ERMP1: variants seen among roughly 807,000 people sequenced by gnomAD.
ERMP1 encodes the protein endoplasmic reticulum metallopeptidase 1, also known as Felix-ina.
ERMP1 carries 86 observed loss-of-function variants against 92.0 expected under a neutral mutation model. The ratio of observed to expected loss-of-function variants is 0.93; its 90% CI spans 0.79 to 1.12. ERMP1 has a LOEUF of 1.12. ERMP1 is among the 50% of genes most tolerant of loss of function. ERMP1 has a pLI of 0.00. For missense variants in ERMP1, 1,342 were observed against 1,116.3 expected, an observed-to-expected ratio of 1.20 and a Z score of -2.88; for synonymous variants, 530 against 412.8, an observed-to-expected ratio of 1.28 and a Z score of -3.44.
Position 5,785,829 on chromosome 9 carries a change from A to C in ERMP1, c.*1315T>G, listed in dbSNP as rs1423839165. 6.6e-6 allele frequency: 1 copy of C among 152,192 alleles called. No individual in the cohort carries two copies. The highest frequency in any genetic ancestry group is 1.5e-5 in the Non-Finnish European group (1 of 68,034). 9.4% of individuals were successfully genotyped at this position (152,192 alleles called of 1,614,324 possible). On this transcript the variant is annotated 3_prime_UTR_variant, in exon 15 of 15. Coordinates refer to ENST00000339450, the MANE Select transcript of ERMP1 (RefSeq NM_024896.3). ...CAACTTTTTGTCCTTGTTAAAACTC[A>C]AAATTTGTCCAACGTTTCACATTTC...
At chr9:5,842,148 G>C (rs768247516) in intron 6 of ERMP1, among the ~76,000 whole-genome samples, 9 of 152,198 alleles carry the variant, frequency 5.9e-5, no homozygotes, top group Non-Finnish European at 1.2e-4. Context: ...GGGGACTGGA[G>C]CAGGTTGCAG....
chr9:5,834,967 GGATA>G (rs1563776618), upstream of ERMP1, among the ~76,000 whole-genome samples: 1 of 34,500 alleles, frequency 2.9e-5, no homozygotes, highest in African/African-American at 2.2e-4. Context: ...GATGATAGAT[GGATA>G]GATAGATGTG....
chr9:5,831,094 T>C lies in ERMP1; in HGVS notation c.339-66A>G, dbSNP rs992105605. The stretch of plus-strand genomic sequence containing the variant: ...ATTGACACTTAGCGTGGGTAACTTT[T>C]CCACTACACACCCCTTCCTCCCCAA... On this transcript the variant is annotated intron_variant, in intron 1 of 14. Transcript: ENST00000339450. 3.5e-5 allele frequency: 45 copies of C among 1,270,930 alleles called. No individual in the cohort carries two copies. In the African/African-American group the frequency reaches 5.5e-4, roughly 16 times the overall value. The allele number at this position is 1,270,930 out of a possible 1,614,324, so 78.7% of individuals were successfully genotyped here.
chr9:5,866,567 A>C (rs1830670075), intron 5 of ERMP1, among the ~76,000 whole-genome samples: 1 of 152,200 alleles, frequency 6.6e-6, no homozygotes, highest in African/African-American at 2.4e-5. Flanking sequence ...AACCACTCCA[A>C]AAGACTGATT....
At chr9:5,864,200 T>A (rs964217974) in intron 5 of ERMP1, among the ~76,000 whole-genome samples, 2 of 152,222 alleles carry the variant, frequency 1.3e-5, no homozygotes, top group Non-Finnish European at 1.5e-5. Flanking sequence ...TTGAACATTT[T>A]CCTCATAGAC....
chr9:5,850,260 T>A (rs560436950), intron 6 of ERMP1, among the ~76,000 whole-genome samples: 1 of 151,690 alleles, frequency 6.6e-6, no homozygotes, highest in South Asian at 2.1e-4. Flanking sequence ...CAAAAATTAG[T>A]TGGGCATGGT....
intron 6 of ERMP1, among the ~76,000 whole-genome samples, chr9:5,845,062 T>G (rs1018383462): frequency 6.6e-6 from 1 of 151,928 alleles, no homozygotes; most frequent in Non-Finnish European, 1.5e-5. Context: ...TATAGGGCCT[T>G]TGAAACTTAA....
chr9:5,786,513 C>T lies in ERMP1; in HGVS notation c.*631G>A, dbSNP rs557139669. On this transcript the variant is annotated 3_prime_UTR_variant, in exon 15 of 15. Transcript: ENST00000339450. ...GCACAGCAGTGCATCTGTGTGTCCA[C>T]TTGTCAGGACAGTGAGTCACCAGCT... is the stretch of plus-strand genomic sequence containing the variant. The T allele has an allele frequency of 1.1e-4, 17 of 152,606 alleles. No homozygotes were observed. Among genetic ancestry groups the T allele is most frequent in the Middle Eastern group, 3.4e-3 (1 of 296 alleles). 9.5% of individuals were successfully genotyped at this position (152,606 alleles called of 1,614,324 possible).
chr9:5,797,817 C>T lies in ERMP1; in HGVS notation c.2386G>A (p.Gly796Arg). 1.3e-6 allele frequency: 2 copies of T among 1,566,390 alleles called. No homozygotes were observed. The highest frequency in any genetic ancestry group is 1.7e-6 in the Non-Finnish European group (2 of 1,143,970). ...DSIKLTFEAT[G>R]PSHMSFYVRA... The stretch of plus-strand genomic sequence containing the variant: ...GAGAAAAAACTATTATATGACTTAC[C>T]TGTTGCTTCAAAAGTCAATTTTATA... Residue 796 changes from glycine (G) to arginine (R), a missense_variant and splice_region_variant, in exon 13 of 15, where the codon GGA (glycine) becomes AGA (arginine). Transcript: ENST00000339450.
At chr9:5,865,705 G>A (rs575615783) in intron 5 of ERMP1, among the ~76,000 whole-genome samples, 1 of 149,686 alleles carries the variant, frequency 6.7e-6, no homozygotes, top group African/African-American at 2.5e-5. Context: ...GGGCGTGGTG[G>A]TGCACGCCTG....
chr9:5,854,147 T>C (rs901877414), intron 6 of ERMP1, among the ~76,000 whole-genome samples: 1 of 151,988 alleles, frequency 6.6e-6, no homozygotes, highest in Non-Finnish European at 1.5e-5. Context: ...AAGAAGCTGC[T>C]GTGGGTGAAG....
intron 4 of ERMP1, among the ~76,000 whole-genome samples, chr9:5,818,304 G>A (rs556726308): frequency 2.0e-5 from 3 of 152,140 alleles, no homozygotes; most frequent in Non-Finnish European, 4.4e-5. Flanking sequence ...AGGTATGTCT[G>A]CATGCAAATG....
intron 4 of ERMP1, among the ~76,000 whole-genome samples, chr9:5,818,433 A>G (rs962946101): frequency 6.6e-6 from 1 of 152,224 alleles, no homozygotes; most frequent in African/African-American, 2.4e-5. Context: ...GAGAAAACCA[A>G]GACTGGACAT....
Position 5,832,793 on chromosome 9 carries a change from G to C in ERMP1, c.235C>G (p.Leu79Val), listed in dbSNP as rs1830009394. The part of the protein sequence containing the change: ...SEVRAALGLA[L>V]YLIALRTLVQ... ...AGCGTCCGCAGCGCGATCAGGTAGAGCGCGAGCCCCAGCGCGGCGCGCACC... is the reference window on the plus strand; with the variant it reads ...AGCGTCCGCAGCGCGATCAGGTAGACCGCGAGCCCCAGCGCGGCGCGCACC... The change falls in exon 1 of 15, where the codon CTC becomes GTC. Residue 79 changes from leucine (L) to valine (V), a missense_variant. Leu to Val is a conservative substitution (Grantham distance 32, BLOSUM62 1). Coordinates refer to ENST00000339450, the MANE Select transcript of ERMP1 (RefSeq NM_024896.3). 6.7e-7 allele frequency: 1 copy of C among 1,502,032 alleles called. No individual in the cohort carries two copies. The highest frequency in any genetic ancestry group is 8.8e-7 in the Non-Finnish European group (1 of 1,133,726). The allele number at this position is 1,502,032 out of a possible 1,614,324, so 93.0% of individuals were successfully genotyped here. A position where few individuals can be genotyped will look rare whatever the true frequency, so the allele number is the denominator to read the frequency against.
chr9:5,799,578 C>G (rs1245342498), intron 11 of ERMP1, among the ~76,000 whole-genome samples: 1 of 152,102 alleles, frequency 6.6e-6, no homozygotes, highest in African/African-American at 2.4e-5. Flanking sequence ...CTGCAGCCAA[C>G]AGGGCAAACT....
intron 10 of ERMP1, among the ~76,000 whole-genome samples, chr9:5,802,622 G>C (rs1156847390): frequency 6.6e-6 from 1 of 152,174 alleles, no homozygotes; most frequent in Non-Finnish European, 1.5e-5. Context: ...CTGACCTTAA[G>C]TCATCCACCC....
chr9:5,802,310 C>A (rs535707668), intron 10 of ERMP1, among the ~76,000 whole-genome samples: 100 of 152,208 alleles, frequency 6.6e-4, no homozygotes, highest in African/African-American at 2.2e-3. Context: ...AAATCTAAAC[C>A]CACCTCCCCT....
In ERMP1 at chr9:5,786,038, C is replaced by T. The variant is rs1007054069; in HGVS notation, c.*1106G>A. 5 of 152,166 alleles carry T rather than the reference C, an allele frequency of 3.3e-5. No homozygotes were observed. Among genetic ancestry groups the T allele is most frequent in the Admixed American group, 1.3e-4 (2 of 15,276 alleles). The allele number at this position is 152,166 out of a possible 1,614,324, so 9.4% of individuals were successfully genotyped here. A position where few individuals can be genotyped will look rare whatever the true frequency, so the allele number is the denominator to read the frequency against. On this transcript the variant is annotated 3_prime_UTR_variant, in exon 15 of 15. Coordinates refer to ENST00000339450, the MANE Select transcript of ERMP1 (RefSeq NM_024896.3). ...TTACGCAGGATCTGAACCACCTACA[C>T]GTACAGTGGTCTCATTCCAGTATAA...
intron 6 of ERMP1, among the ~76,000 whole-genome samples, chr9:5,846,845 C>T (rs1367418242): frequency 1.3e-5 from 2 of 152,070 alleles, no homozygotes; most frequent in Non-Finnish European, 2.9e-5. Context: ...TATCACATTC[C>T]GCTTTGACCC....
Sources: allele counts gnomAD v4.1 joint callset (sites outside exome capture counted in the v4.1 genomes callset), GRCh38; gene constraint gnomAD v4.1.1; transcripts MANE v1.5; gene names NCBI Gene and HGNC (gene_info 2026-07-23, HGNC 2026-07-21).